The following RPN1 variants were observed in gnomAD, a reference collection of about 807,000 sequenced individuals.
The protein encoded by RPN1 is dolichyl-diphosphooligosaccharide--protein glycosyltransferase subunit 1.
In RPN1, 12 loss-of-function variants were observed where a neutral mutation model predicts 55.5. That is an observed-to-expected ratio of 0.22 (90% CI 0.14 to 0.35). RPN1 has a LOEUF of 0.35. Ranked by LOEUF, RPN1 falls within the 10% of genes least tolerant of loss-of-function variation. RPN1 has a pLI of 1.00. For synonymous variants in RPN1, 317 were observed against 305.9 expected, an observed-to-expected ratio of 1.04 and a Z score of -0.38; for missense variants, 679 against 761.3, an observed-to-expected ratio of 0.89 and a Z score of 1.27.
rs760185472 is a variant in RPN1 at position 128,622,227 on chromosome 3, C to A, written c.1578G>T (p.Leu526Phe). ...KKSLETEHKALTSEIALLQSR... is the reference protein window; with the variant it reads ...KKSLETEHKAFTSEIALLQSR... Reference sequence around the variant, plus strand: ...ACTGCAGCAGTGCAATCTCACTGGTCAAGGCCTTGTGTTCAGTCTCCAGGC... The same window carrying A: ...ACTGCAGCAGTGCAATCTCACTGGTAAAGGCCTTGTGTTCAGTCTCCAGGC... The change falls in exon 9 of 10, where the codon TTG becomes TTT. Residue 526 changes from leucine (L) to phenylalanine (F), a missense_variant. Transcript: ENST00000296255. 2.0e-5 allele frequency: 33 copies of A among 1,614,068 alleles called. No homozygotes were observed. Among genetic ancestry groups the A allele is most frequent in the Admixed American group, 1.7e-5 (1 of 60,010 alleles).
Position 128,648,401 on chromosome 3 carries a change from A to C in RPN1, c.261+2139T>G, listed in dbSNP as rs572677490. On this transcript the variant is annotated intron_variant, in intron 1 of 9. Transcript: ENST00000296255. ...AGAGCAAGACTCTGCATCAAAAAAA[A>C]AATACAAAAATTAGCCAGGCGTGGT... Among the ~76,000 whole-genome samples, 45 of 152,166 alleles carry C rather than the reference A, an allele frequency of 3.0e-4. No homozygotes were observed. The South Asian group carries it at 3.7e-3, about 13-fold the overall frequency.
At chr3:128,643,101 C>T (rs937941822) in intron 2 of RPN1, among the ~76,000 whole-genome samples, 4 of 151,420 alleles carry the variant, frequency 2.6e-5, no homozygotes, top group African/African-American at 9.7e-5. Flanking sequence ...CCAAGACGGG[C>T]AGATCACCTG....
At chr3:128,635,686 G>GAT (rs1204161460) in intron 3 of RPN1, among the ~76,000 whole-genome samples, 2,653 of 113,186 alleles carry the variant, frequency 0.023, 61 homozygotes, top group African/African-American at 0.037. Context: ...GATATCTATA[G>GAT]ATATACACAC....
At chr3:128,625,504 T>C (rs2069591513) in intron 8 of RPN1, 30 bp downstream of exon 8, 1 of 1,613,636 alleles carries the variant, frequency 6.2e-7, no homozygotes, top group Admixed American at 1.7e-5. Context: ...AGGACACAAA[T>C]GACAAGCAGG....
At chr3:128,638,220 G>A in intron 2 of RPN1, 115 bp from the exon 3 acceptor site, 3 of 713,666 alleles carry the variant, frequency 4.2e-6, no homozygotes, top group Non-Finnish European at 7.0e-6. Context: ...TTATCTTTAA[G>A]AGATCACCTT....
At chr3:128,623,037 C>T (rs1243326475) in intron 8 of RPN1, among the ~76,000 whole-genome samples, 1 of 152,098 alleles carries the variant, frequency 6.6e-6, no homozygotes, top group Non-Finnish European at 1.5e-5. Flanking sequence ...CAGCAGGAAA[C>T]ATTAGATAAA....
chr3:128,650,478 A>T (rs2069809149), intron 1 of RPN1, 62 bp downstream of exon 1: 1 of 1,455,040 alleles, frequency 6.9e-7, no homozygotes, highest in South Asian at 1.3e-5. Flanking sequence ...GAGTCGGGGG[A>T]CCGCCAGGAA....
intron 8 of RPN1, among the ~76,000 whole-genome samples, chr3:128,624,501 G>A (rs1001745310): frequency 3.3e-5 from 5 of 149,768 alleles, no homozygotes; most frequent in African/African-American, 4.9e-5. Flanking sequence ...AAAAGAAAAC[G>A]AAAAGAAAAA....
intron 8 of RPN1, among the ~76,000 whole-genome samples, chr3:128,623,475 C>G (rs923648406): frequency 6.6e-6 from 1 of 151,908 alleles, no homozygotes; most frequent in Non-Finnish European, 1.5e-5. Flanking sequence ...GAGGTCGAGG[C>G]TGCAGTGAGC....
At chr3:128,633,931 C>T (rs1408657000) in intron 3 of RPN1, among the ~76,000 whole-genome samples, 2 of 151,858 alleles carry the variant, frequency 1.3e-5, no homozygotes, top group Non-Finnish European at 2.9e-5. Context: ...TGCAGTGAGC[C>T]GAGATTGTGC....
At chr3:128,628,627 G>A (rs931099200) in intron 5 of RPN1, among the ~76,000 whole-genome samples, 1 of 150,690 alleles carries the variant, frequency 6.6e-6, no homozygotes, top group Non-Finnish European at 1.5e-5. Context: ...TGTTGCCCCG[G>A]CTGGTCTCAA....
At chr3:128,634,305 G>C (rs1008017413) in intron 3 of RPN1, among the ~76,000 whole-genome samples, 1 of 151,756 alleles carries the variant, frequency 6.6e-6, no homozygotes, top group South Asian at 2.1e-4. Flanking sequence ...TCCAGCCTGG[G>C]CGAGAGTAAG....
chr3:128,626,858 A>G, intron 5 of RPN1, 26 bp from the exon 6 acceptor site: 4 of 1,600,658 alleles, frequency 2.5e-6, no homozygotes, highest in Non-Finnish European at 3.4e-6. Flanking sequence ...AGCATAAGCA[A>G]TGATGTGGAA....
At chr3:128,627,953 T>C (rs1378250750) in intron 5 of RPN1, among the ~76,000 whole-genome samples, 1 of 152,272 alleles carries the variant, frequency 6.6e-6, no homozygotes, top group Non-Finnish European at 1.5e-5. Flanking sequence ...AAGAACAATG[T>C]AAACAATAAT....
At position 128,622,273 on chromosome 3, in the gene RPN1, G is replaced by C. The variant is rs754938131; in HGVS notation, c.1532C>G (p.Thr511Ser). The change falls in exon 9 of 10, where the codon ACC becomes AGC. Residue 511 changes from threonine to serine, a missense_variant. By Grantham distance (58) the Thr-to-Ser change is moderately conservative. Transcript: ENST00000296255. ...NRYKQSRDIS[T>S]LNSGKKSLET... ...CAGGCTCTTCTTGCCACTGTTGAGG[G>C]TGGAGATGTCCCGGGATTGCTTGTA... is the stretch of plus-strand genomic sequence containing the variant. 6.2e-7 allele frequency: 1 copy of C among 1,614,230 alleles called. No individual in the cohort carries two copies. Among genetic ancestry groups the C allele is most frequent in the African/African-American group, 1.3e-5 (1 of 75,060 alleles).
chr3:128,633,942 C>T (rs964171550), intron 3 of RPN1, among the ~76,000 whole-genome samples: 1 of 152,082 alleles, frequency 6.6e-6, no homozygotes, highest in Admixed American at 6.6e-5. Context: ...GAGATTGTGC[C>T]ACTGCACTCC....
chr3:128,623,226 G>A (rs2069573244), intron 8 of RPN1, among the ~76,000 whole-genome samples: 1 of 152,140 alleles, frequency 6.6e-6, no homozygotes, highest in South Asian at 2.1e-4. Flanking sequence ...GTAACATAAT[G>A]AGACTCCGTC....
At chr3:128,631,026 T>C (rs1195327396) in intron 4 of RPN1, among the ~76,000 whole-genome samples, 3 of 149,826 alleles carry the variant, frequency 2.0e-5, no homozygotes, top group Admixed American at 6.7e-5. Flanking sequence ...GGCAGGAGAA[T>C]AGCATGAACC....
chr3:128,631,856 G>A (rs990924279), intron 4 of RPN1, 92 bp downstream of exon 4: 49 of 1,367,988 alleles, frequency 3.6e-5, no homozygotes, highest in Non-Finnish European at 4.7e-5. Flanking sequence ...CTAAACAACT[G>A]CCTAAATATT....
Sources: gnomAD v4.1 joint callset for allele counts (sites outside exome capture counted in the v4.1 genomes callset) on GRCh38, gnomAD v4.1.1 for gene constraint, MANE v1.5 for transcripts, NCBI Gene and HGNC (gene_info 2026-07-23, HGNC 2026-07-21) for gene names.